The following COMMD10 variants were observed in gnomAD, a reference collection of about 807,000 sequenced individuals.
COMMD10 encodes COMM domain-containing protein 10.
COMMD10 carries 33 observed loss-of-function variants against 28.9 expected under a neutral mutation model. The ratio of observed to expected loss-of-function variants is 1.14; its 90% CI spans 0.87 to 1.53. COMMD10 has a LOEUF of 1.53. Ranked by LOEUF, COMMD10 falls within the 40% of genes most tolerant of loss-of-function variation. The pLI, the probability that COMMD10 is intolerant of heterozygous loss-of-function variation, is 0.00. For synonymous variants in COMMD10, 110 were observed against 81.7 expected (o/e 1.35, Z -1.87); for missense variants, 310 against 233.4 (o/e 1.33, Z -2.14).
Position 116,092,677 on chromosome 5 carries a change from C to T in COMMD10, c.376C>T (p.Gln126Ter), listed in dbSNP as rs1229853458. The T allele has an allele frequency of 1.2e-6, 2 of 1,607,046 alleles. No homozygotes were observed. The highest frequency in any genetic ancestry group is 1.7e-6 in the Non-Finnish European group (2 of 1,176,594). Residue 126 changes from glutamine to a stop codon, truncating the protein, a stop_gained, in exon 4 of 7, where the codon CAG becomes TAG. Transcript: ENST00000274458. LOFTEE classifies it high-confidence loss of function. ...MGQETVEKFR[Q>*]RILAPCKLET... ...TCAAGAAACAGTTGAAAAGTTCCGGCAGAGAATTCTGGCTCCCTGTAAGGT... is the reference window on the plus strand; with the variant it reads ...TCAAGAAACAGTTGAAAAGTTCCGGTAGAGAATTCTGGCTCCCTGTAAGGT...
chr5:116,128,635 A>G (rs1751741283), intron 4 of COMMD10, among the ~76,000 whole-genome samples: 1 of 152,006 alleles, frequency 6.6e-6, no homozygotes, highest in African/African-American at 2.4e-5. Context: ...ATTAAATGGT[A>G]TGAGATTTTT....
intron 5 of COMMD10, among the ~76,000 whole-genome samples, chr5:116,277,098 C>A (rs1580606023): frequency 6.6e-6 from 1 of 151,712 alleles, no homozygotes; most frequent in East Asian, 1.9e-4. Context: ...GTTATTTTCA[C>A]TAAGTTATGA....
intron 5 of COMMD10, among the ~76,000 whole-genome samples, chr5:116,254,785 G>A (rs934352814): frequency 3.3e-5 from 5 of 151,702 alleles, no homozygotes; most frequent in East Asian, 1.9e-4. Context: ...TTGATTTGGG[G>A]TGGAGAGTTC....
chr5:116,101,060 A>C (rs1366752072), intron 4 of COMMD10, among the ~76,000 whole-genome samples: 2 of 152,234 alleles, frequency 1.3e-5, no homozygotes, highest in Non-Finnish European at 2.9e-5. Context: ...AAGTTGCTGC[A>C]AAAGATATGA....
In COMMD10 at chr5:116,175,674, C is replaced by T. The variant is rs151114877; in HGVS notation, c.510+41496C>T. On this transcript the variant is annotated intron_variant, in intron 5 of 6. Coordinates refer to ENST00000274458, the MANE Select transcript of COMMD10 (RefSeq NM_016144.4). ...AGCAAAATATGGTATATATATGCAA[C>T]GGGATATTATTCGGTCATAAAAAGG... 1.2e-3 allele frequency among the ~76,000 whole-genome samples: 188 copies of T among 152,094 alleles called. 2 individuals are homozygous for T. Among genetic ancestry groups the T allele is most frequent in the African/African-American group, 3.9e-3 (160 of 41,492 alleles).
At chr5:116,195,248 C>T (rs915459030) in intron 5 of COMMD10, among the ~76,000 whole-genome samples, 1 of 152,078 alleles carries the variant, frequency 6.6e-6, no homozygotes, top group Non-Finnish European at 1.5e-5. Flanking sequence ...CCTCTGAGAA[C>T]TGGAACAAGA....
chr5:116,177,237 C>A (rs529018501), intron 5 of COMMD10, among the ~76,000 whole-genome samples: 1 of 151,824 alleles, frequency 6.6e-6, no homozygotes, highest in South Asian at 2.1e-4. Flanking sequence ...ATTGGGTGGA[C>A]CAGAAATAAG....
chr5:116,220,969 T>C (rs1450000388), intron 5 of COMMD10, among the ~76,000 whole-genome samples: 6 of 152,184 alleles, frequency 3.9e-5, no homozygotes, highest in African/African-American at 1.2e-4. Context: ...TCATAGTTGT[T>C]TGGTGCCTAT....
At chr5:116,122,763 C>G (rs1036786455) in intron 4 of COMMD10, among the ~76,000 whole-genome samples, 23 of 152,140 alleles carry the variant, frequency 1.5e-4, no homozygotes, top group Non-Finnish European at 2.5e-4. Flanking sequence ...GGAGTTCACT[C>G]ATGATTTGGC....
At chr5:116,270,501 G>A (rs1033258263) in intron 5 of COMMD10, among the ~76,000 whole-genome samples, 8 of 151,840 alleles carry the variant, frequency 5.3e-5, no homozygotes, top group Non-Finnish European at 7.4e-5. Context: ...TCTAGAGAAT[G>A]GAGATACTGA....
chr5:116,094,383 C>T (rs577637076), intron 4 of COMMD10, among the ~76,000 whole-genome samples: 11 of 152,092 alleles, frequency 7.2e-5, no homozygotes, highest in South Asian at 4.1e-4. Context: ...TCTTGAAAGA[C>T]GATATATAAA....
At chr5:116,147,169 G>A (rs1178703798) in intron 5 of COMMD10, among the ~76,000 whole-genome samples, 1 of 149,844 alleles carries the variant, frequency 6.7e-6, no homozygotes, top group African/African-American at 2.5e-5. Flanking sequence ...TTGAGAATCT[G>A]CTGAAGACAG....
intron 5 of COMMD10, among the ~76,000 whole-genome samples, chr5:116,178,546 A>T (rs1382634875): frequency 6.6e-6 from 1 of 152,144 alleles, no homozygotes; most frequent in East Asian, 1.9e-4. Flanking sequence ...TTATAATTTT[A>T]AAAATGTGTG....
rs1221431132 is a variant in COMMD10, at chr5:116,251,301, T to C, written c.511-40216T>C. On this transcript the variant is annotated intron_variant, in intron 5 of 6. Coordinates refer to ENST00000274458, the MANE Select transcript of COMMD10 (RefSeq NM_016144.4). ...TTATTTATTTATTTATTTATTTATT[T>C]ATTATTATACTTTAAGTTTTAGGGT... 2.7e-4 allele frequency among the ~76,000 whole-genome samples: 36 copies of C among 134,470 alleles called. No homozygotes were observed. In the South Asian group the frequency reaches 8.8e-3, roughly 33 times the overall value. 88.2% of individuals were successfully genotyped at this position (134,470 alleles called of 152,430 possible). A position where few individuals can be genotyped will look rare whatever the true frequency, so the allele number is the denominator to read the frequency against.
intron 5 of COMMD10, among the ~76,000 whole-genome samples, chr5:116,153,706 T>C (rs1752612109): frequency 6.6e-6 from 1 of 152,062 alleles, no homozygotes; most frequent in Admixed American, 6.6e-5. Flanking sequence ...GCTTCTATAG[T>C]GATTGGTTTG....
intron 5 of COMMD10, among the ~76,000 whole-genome samples, chr5:116,149,758 C>T (rs1042228511): frequency 7.1e-6 from 1 of 141,182 alleles, no homozygotes; most frequent in South Asian, 2.4e-4. Flanking sequence ...GGATATTAGC[C>T]CTTTGTCAGA....
In COMMD10 at chr5:116,240,356, A is replaced by G. The variant is rs533230349; in HGVS notation, c.511-51161A>G. Among the ~76,000 whole-genome samples the G allele has an allele frequency of 4.1e-3, 629 of 152,326 alleles. 4 individuals carry two copies. The highest frequency in any genetic ancestry group is 5.6e-3 in the Non-Finnish European group (378 of 68,024). ...CAAAGGAAAGAAGGGAGAATACAGC[A>G]ATCTCCTCCTGAAATCTGCCTGTCC... On this transcript the variant is annotated intron_variant, in intron 5 of 6. Coordinates refer to ENST00000274458, the MANE Select transcript of COMMD10 (RefSeq NM_016144.4).
chr5:116,146,547 A>G (rs867413338), intron 5 of COMMD10, among the ~76,000 whole-genome samples: 1 of 151,916 alleles, frequency 6.6e-6, no homozygotes, highest in Non-Finnish European at 1.5e-5. Flanking sequence ...AATTTGCATT[A>G]TTGGATACTG....
At chr5:116,147,399 T>G (rs181675327) in intron 5 of COMMD10, among the ~76,000 whole-genome samples, 1 of 151,912 alleles carries the variant, frequency 6.6e-6, no homozygotes, top group African/African-American at 2.4e-5. Flanking sequence ...TATAATCGAA[T>G]TTTTACAAAC....
Sources: gnomAD v4.1 joint callset for allele counts (sites outside exome capture counted in the v4.1 genomes callset) on GRCh38, gnomAD v4.1.1 for gene constraint, MANE v1.5 for transcripts, NCBI Gene and HGNC (gene_info 2026-07-23, HGNC 2026-07-21) for gene names.